The following GPM6A variants were observed in gnomAD, a reference collection of about 807,000 sequenced individuals.
GPM6A encodes the protein neuronal membrane glycoprotein M6-a.
In GPM6A, 7 loss-of-function variants were observed where a neutral mutation model predicts 32.1. The ratio of observed to expected loss-of-function variants is 0.22; its 90% CI spans 0.12 to 0.41. The LOEUF (loss-of-function observed/expected upper bound fraction) is 0.41. Among genes scored for constraint, GPM6A ranks in the 10% least tolerant of loss-of-function variants. The pLI, the probability that GPM6A is intolerant of heterozygous loss-of-function variation, is 1.00. For synonymous variants in GPM6A, 130 were observed against 123.4 expected (o/e 1.05, Z -0.35); for missense variants, 235 against 347.2 (o/e 0.68, Z 2.57).
chr4:175,731,030 C>G (rs939176076), intron 1 of GPM6A, among the ~76,000 whole-genome samples: 5 of 152,136 alleles, frequency 3.3e-5, no homozygotes, highest in Admixed American at 2.6e-4. Flanking sequence ...TCAAAGGGAA[C>G]TTAGTGGGTC....
upstream of GPM6A, among the ~76,000 whole-genome samples, chr4:175,815,720 T>TTC (rs1236058671): frequency 9.6e-5 from 14 of 146,516 alleles, no homozygotes; most frequent in East Asian, 1.2e-3. Context: ...TTTCTTTTCT[T>TTC]TTTTTTTTTT....
chr4:175,679,784 T>C lies in GPM6A; in HGVS notation c.231-5948A>G, dbSNP rs191330351. 1.0e-3 allele frequency among the ~76,000 whole-genome samples: 159 copies of C among 152,336 alleles called. 3 individuals carry two copies. The East Asian group carries it at 0.024, about 23-fold the overall frequency. On this transcript the variant is annotated intron_variant, in intron 2 of 6. Transcript: ENST00000393658. ...TTACAATAGCTCATTATTTTGGTACTCAAATTTTTCTAGACTTGAGCAATA... is the reference window on the plus strand; with the variant it reads ...TTACAATAGCTCATTATTTTGGTACCCAAATTTTTCTAGACTTGAGCAATA...
intron 1 of GPM6A, among the ~76,000 whole-genome samples, chr4:175,782,436 T>C (rs1298708889): frequency 6.6e-6 from 1 of 152,152 alleles, no homozygotes; most frequent in African/African-American, 2.4e-5. Flanking sequence ...AAGGAAATTA[T>C]ACCCAGCCCT....
At chr4:175,788,471 TA>T (rs1347432499) in intron 1 of GPM6A, among the ~76,000 whole-genome samples, 1 of 152,192 alleles carries the variant, frequency 6.6e-6, no homozygotes, top group African/African-American at 2.4e-5. Flanking sequence ...TGATTTTTTT[TA>T]AATAACAGTT....
At chr4:175,843,647 C>G (rs1736004932) in intron 1 of GPM6A, among the ~76,000 whole-genome samples, 1 of 152,188 alleles carries the variant, frequency 6.6e-6, no homozygotes, top group African/African-American at 2.4e-5. Flanking sequence ...AAGAAACCAC[C>G]ACTTGGTTTG....
chr4:175,895,057 T>C (rs185470937), intron 1 of GPM6A, among the ~76,000 whole-genome samples: 28 of 152,254 alleles, frequency 1.8e-4, no homozygotes, highest in African/African-American at 6.5e-4. Flanking sequence ...GGACCCAGAA[T>C]GCGATAGAGT....
At chr4:175,971,803 G>C (rs993335949) in intron 1 of GPM6A, 2 of 152,170 alleles carry the variant, frequency 1.3e-5, no homozygotes, top group African/African-American at 2.4e-5. Context: ...TCATCAATAA[G>C]GAATGGCTAC....
chr4:175,776,247 T>C (rs1239284213), intron 1 of GPM6A, among the ~76,000 whole-genome samples: 1 of 152,198 alleles, frequency 6.6e-6, no homozygotes. Context: ...TCTCCCATTT[T>C]TAACTGACTT....
intron 1 of GPM6A, among the ~76,000 whole-genome samples, chr4:175,835,565 C>A (rs1735739644): frequency 6.7e-6 from 1 of 150,250 alleles, no homozygotes; most frequent in South Asian, 2.1e-4. Context: ...CCAATATTGA[C>A]TCCTGGTGTG....
intron 1 of GPM6A, among the ~76,000 whole-genome samples, chr4:175,731,577 T>G (rs1256085558): frequency 2.0e-5 from 3 of 152,220 alleles, no homozygotes; most frequent in Non-Finnish European, 4.4e-5. Context: ...TCTATAAATA[T>G]TTGTGGCATG....
At chr4:175,907,406 A>G (rs886776781) in intron 1 of GPM6A, 3 of 152,154 alleles carry the variant, frequency 2.0e-5, no homozygotes, top group Non-Finnish European at 2.9e-5. Context: ...CCTTCTAGAC[A>G]TAGTTCAAAT....
chr4:175,759,859 C>G (rs947347718), intron 1 of GPM6A, among the ~76,000 whole-genome samples: 1 of 151,950 alleles, frequency 6.6e-6, no homozygotes, highest in East Asian at 1.9e-4. Flanking sequence ...AGACTATTAC[C>G]AGAAAGAATA....
intron 3 of GPM6A, among the ~76,000 whole-genome samples, chr4:175,668,710 G>A (rs984662466): frequency 6.6e-6 from 1 of 152,080 alleles, no homozygotes; most frequent in East Asian, 1.9e-4. Flanking sequence ...GAGCATTCTT[G>A]TATTTGTGAA....
At chr4:175,642,444 C>T (rs560974469) in intron 4 of GPM6A, among the ~76,000 whole-genome samples, 1 of 152,214 alleles carries the variant, frequency 6.6e-6, no homozygotes, top group South Asian at 2.1e-4. Context: ...TACTTAAATC[C>T]TCTCAAGTCA....
chr4:175,998,100 G>T (rs968544545), intron 1 of GPM6A, among the ~76,000 whole-genome samples: 2 of 151,254 alleles, frequency 1.3e-5, no homozygotes, highest in African/African-American at 4.9e-5. Flanking sequence ...TTCTCATTAT[G>T]TGTTCCTAAC....
At position 175,819,314 on chromosome 4, in the gene GPM6A, CTG is replaced by C. The variant is rs1409579694; in HGVS notation, c.-22-7067_-22-7066del. Among the ~76,000 whole-genome samples, 7 of 152,132 alleles carry C rather than the reference CTG, an allele frequency of 4.6e-5. No individual in the cohort carries two copies. In the East Asian group the frequency reaches 1.3e-3, roughly 29 times the overall value. On this transcript the variant is annotated intron_variant, in intron 1 of 7. Transcript: ENST00000280187. ...CAAAGAATAAACTTTATAGCTCACTCTGTCACTCAAGTTGCATTTACTCAATG... is the reference window on the plus strand; with the variant it reads ...CAAAGAATAAACTTTATAGCTCACTCTCACTCAAGTTGCATTTACTCAATG...
intron 1 of GPM6A, among the ~76,000 whole-genome samples, chr4:175,724,539 CA>C (rs1250775780): frequency 4.6e-5 from 7 of 151,856 alleles, no homozygotes; most frequent in Non-Finnish European, 7.4e-5. Context: ...AGTGAGATTC[CA>C]TCTCAAAAAA....
intron 1 of GPM6A, among the ~76,000 whole-genome samples, chr4:175,739,415 T>C (rs1351897603): frequency 6.6e-6 from 1 of 152,164 alleles, no homozygotes; most frequent in Non-Finnish European, 1.5e-5. Flanking sequence ...AACAGAAGTC[T>C]CTATTGCTAG....
intron 1 of GPM6A, among the ~76,000 whole-genome samples, chr4:175,999,176 G>GTGGTCTCA (rs1741400825): frequency 6.6e-6 from 1 of 152,178 alleles, no homozygotes. Context: ...TGATATACAT[G>GTGGTCTCA]TAGTCTCATA....
Sources: allele counts gnomAD v4.1 joint callset (sites outside exome capture counted in the v4.1 genomes callset), GRCh38; gene constraint gnomAD v4.1.1; transcripts MANE v1.5; gene names NCBI Gene and HGNC (gene_info 2026-07-23, HGNC 2026-07-21).